Variants in IGSF21 observed in about 807,000 individuals in gnomAD.
IGSF21 encodes the protein immunoglobin superfamily member 21, also known as immunoglobulin superfamily member 21.
IGSF21 carries 28 observed loss-of-function variants against 46.8 expected under a neutral mutation model. That is an observed-to-expected ratio of 0.60 (90% CI 0.44 to 0.82). The LOEUF is 0.82. Ranked by LOEUF, IGSF21 falls within the 40% of genes least tolerant of loss-of-function variation. The pLI, the probability that IGSF21 is intolerant of heterozygous loss-of-function variation, is 0.00. For missense variants in IGSF21, 624 were observed against 665.5 expected (o/e 0.94, Z 0.69); for synonymous variants, 284 against 273.6 (o/e 1.04, Z -0.38).
intron 6 of IGSF21, among the ~76,000 whole-genome samples, chr1:18,367,862 C>A (rs1403300879): frequency 2.0e-5 from 3 of 151,714 alleles, no homozygotes; most frequent in East Asian, 1.9e-4. Flanking sequence ...GCCTCGGCCT[C>A]CAAAGTGCTG....
At chr1:18,150,019 C>T (rs1353475350) in intron 1 of IGSF21, among the ~76,000 whole-genome samples, 2 of 152,004 alleles carry the variant, frequency 1.3e-5, no homozygotes, top group African/African-American at 4.8e-5. Context: ...TTTGGGAGGC[C>T]GAGGCAGGAG....
At chr1:18,232,547 G>A (rs2084638395) in intron 2 of IGSF21, among the ~76,000 whole-genome samples, 4 of 152,096 alleles carry the variant, frequency 2.6e-5, no homozygotes, top group Admixed American at 2.6e-4. Context: ...AGAAACTGAG[G>A]CCATTCGAAG....
intron 1 of IGSF21, among the ~76,000 whole-genome samples, chr1:18,177,116 G>A (rs2086806880): frequency 1.3e-5 from 2 of 152,162 alleles, no homozygotes; most frequent in African/African-American, 4.8e-5. Context: ...GTTTATCTGG[G>A]AAGATATATT....
chr1:18,258,642 G>C (rs1012106229), intron 2 of IGSF21, among the ~76,000 whole-genome samples: 5 of 152,174 alleles, frequency 3.3e-5, no homozygotes, highest in Non-Finnish European at 4.4e-5. Context: ...ACAGTGAAGA[G>C]CTCAGACCTG....
intron 2 of IGSF21, among the ~76,000 whole-genome samples, chr1:18,259,429 C>A (rs2084920468): frequency 6.6e-6 from 1 of 152,094 alleles, no homozygotes; most frequent in African/African-American, 2.4e-5. Context: ...TAGAACAAAT[C>A]AAGGTCATTC....
At chr1:18,188,976 C>A in intron 1 of IGSF21, among the ~76,000 whole-genome samples, 1 of 152,278 alleles carries the variant, frequency 6.6e-6, no homozygotes, top group South Asian at 2.1e-4. Flanking sequence ...AGTGAGGATC[C>A]TTGTGAGAGT....
intron 2 of IGSF21, among the ~76,000 whole-genome samples, chr1:18,240,124 G>C (rs2084712636): frequency 6.6e-6 from 1 of 152,028 alleles, no homozygotes; most frequent in Non-Finnish European, 1.5e-5. Flanking sequence ...TAAAAACACA[G>C]AAAAATTAAC....
At chr1:18,374,724 G>A (rs1252614859) in intron 6 of IGSF21, among the ~76,000 whole-genome samples, 1 of 152,158 alleles carries the variant, frequency 6.6e-6, no homozygotes, top group Non-Finnish European at 1.5e-5. Flanking sequence ...GTGCCTGGGA[G>A]GCCACCCACA....
At chr1:18,162,084 G>T (rs1440188771) in intron 1 of IGSF21, among the ~76,000 whole-genome samples, 1 of 151,818 alleles carries the variant, frequency 6.6e-6, no homozygotes. Context: ...TATCACCTAG[G>T]CTGGAGTGCA....
chr1:18,357,838 G>A (rs946013456), intron 4 of IGSF21, among the ~76,000 whole-genome samples: 2 of 152,120 alleles, frequency 1.3e-5, no homozygotes, highest in African/African-American at 4.8e-5. Flanking sequence ...GTATATTGAT[G>A]GGGAGGGTGT....
At chr1:18,142,721 C>T (rs1476477226) in intron 1 of IGSF21, among the ~76,000 whole-genome samples, 3 of 152,198 alleles carry the variant, frequency 2.0e-5, no homozygotes, top group African/African-American at 7.2e-5. Context: ...GCCTTGTTTG[C>T]ATATATGCAA....
chr1:18,197,563 A>C (rs1423378726), intron 1 of IGSF21, among the ~76,000 whole-genome samples: 1 of 152,254 alleles, frequency 6.6e-6, no homozygotes, highest in African/African-American at 2.4e-5. Flanking sequence ...ATTCCCAGGC[A>C]GCAGAAACTT....
At chr1:18,350,384 G>A (rs1016704341) in intron 4 of IGSF21, among the ~76,000 whole-genome samples, 8 of 152,170 alleles carry the variant, frequency 5.3e-5, no homozygotes, top group African/African-American at 1.4e-4. Context: ...TCAGGCACTG[G>A]GTCTCTGAGA....
chr1:18,137,685 G>A (rs2086380013), intron 1 of IGSF21, among the ~76,000 whole-genome samples: 1 of 152,098 alleles, frequency 6.6e-6, no homozygotes, highest in Non-Finnish European at 1.5e-5. Flanking sequence ...ATATTTGCAT[G>A]GATTTCTACC....
At chr1:18,250,241 G>C (rs1304345680) in intron 2 of IGSF21, among the ~76,000 whole-genome samples, 1 of 151,864 alleles carries the variant, frequency 6.6e-6, no homozygotes, top group Admixed American at 6.6e-5. Flanking sequence ...TGCCAGGGCT[G>C]TGTCTTCAGC....
intron 2 of IGSF21, among the ~76,000 whole-genome samples, chr1:18,238,696 C>A (rs762193014): frequency 2.4e-4 from 36 of 152,088 alleles, no homozygotes; most frequent in Non-Finnish European, 4.6e-4. Flanking sequence ...CAGAGTCCAC[C>A]AGTGATGGGC....
intron 2 of IGSF21, among the ~76,000 whole-genome samples, chr1:18,244,090 T>C (rs2084760255): frequency 6.6e-6 from 1 of 152,228 alleles, no homozygotes; most frequent in African/African-American, 2.4e-5. Context: ...GCCTCAAAAG[T>C]GCCTGATTTG....
intron 1 of IGSF21, among the ~76,000 whole-genome samples, chr1:18,180,706 A>C (rs529170729): frequency 2.6e-4 from 40 of 152,292 alleles, no homozygotes; most frequent in African/African-American, 7.5e-4. Flanking sequence ...GCTCATACTT[A>C]CTTATACAGA....
chr1:18,297,146 G>A (rs1338278847), intron 3 of IGSF21, among the ~76,000 whole-genome samples: 1 of 152,152 alleles, frequency 6.6e-6, no homozygotes, highest in African/African-American at 2.4e-5. Flanking sequence ...CATGAGGACA[G>A]GGACTAGGTC....
Sources: allele counts gnomAD v4.1 joint callset (sites outside exome capture counted in the v4.1 genomes callset), GRCh38; gene constraint gnomAD v4.1.1; transcripts MANE v1.5; gene names NCBI Gene and HGNC (gene_info 2026-07-23, HGNC 2026-07-21).